Variants in CLIC6 observed in about 807,000 individuals in gnomAD.
The protein encoded by CLIC6 is chloride intracellular channel protein 6.
In CLIC6, 39 loss-of-function variants were observed where a neutral mutation model predicts 49.2. The ratio of observed to expected loss-of-function variants is 0.79; its 90% CI spans 0.61 to 1.04. The LOEUF is 1.04. CLIC6 is among the 50% of genes least tolerant of loss of function. The pLI, the probability that CLIC6 is intolerant of heterozygous loss-of-function variation, is 0.00. For synonymous variants in CLIC6, 446 were observed against 433.4 expected, an observed-to-expected ratio of 1.03 and a Z score of -0.36; for missense variants, 988 against 993.1, an observed-to-expected ratio of 0.99 and a Z score of 0.07.
At chr21:34,699,415 C>CTA (rs1568966335) in intron 1 of CLIC6, among the ~76,000 whole-genome samples, 8 of 134,844 alleles carry the variant, frequency 5.9e-5, no homozygotes, top group Non-Finnish European at 9.6e-5. Context: ...CCATACCTGG[C>CTA]TTTTTTTTTT....
chr21:34,697,825 G>A (rs1018351017), intron 1 of CLIC6, among the ~76,000 whole-genome samples: 39 of 152,334 alleles, frequency 2.6e-4, no homozygotes, highest in African/African-American at 8.9e-4. Context: ...GGAGAACTGC[G>A]GGGCCTGCCA....
intron 1 of CLIC6, among the ~76,000 whole-genome samples, chr21:34,677,592 G>A (rs1320423432): frequency 6.6e-6 from 1 of 152,128 alleles, no homozygotes; most frequent in African/African-American, 2.4e-5. Context: ...ATCAAAAAAT[G>A]GATGCCTTAG....
At chr21:34,676,650 TGCAGCA>T (rs10591544) in intron 1 of CLIC6, among the ~76,000 whole-genome samples, 2,399 of 152,304 alleles carry the variant, frequency 0.016, 65 homozygotes, top group African/African-American at 0.055. Context: ...CATAGGAGCA[TGCAGCA>T]GCAGCAGGAG....
At chr21:34,707,833 T>G (rs1272844449) in intron 2 of CLIC6, 111 bp from the exon 3 acceptor site, 1 of 1,087,570 alleles carries the variant, frequency 9.2e-7, no homozygotes, top group Admixed American at 2.2e-5. Context: ...CCATCTACTT[T>G]GCAGTTCTCA....
intron 1 of CLIC6, among the ~76,000 whole-genome samples, chr21:34,685,431 A>G (rs1318809506): frequency 6.6e-6 from 1 of 152,050 alleles, no homozygotes; most frequent in Non-Finnish European, 1.5e-5. Flanking sequence ...ATCCAGTGAT[A>G]CTCTTTCTCC....
In CLIC6 at chr21:34,678,642, G is replaced by GT. The variant is rs528837077; in HGVS notation, c.1374+7886dup. Among the ~76,000 whole-genome samples the GT allele has an allele frequency of 1.6e-4, 24 of 152,110 alleles. No homozygotes were observed. In the South Asian group the frequency reaches 5.0e-3, roughly 32 times the overall value. On this transcript the variant is annotated intron_variant, in intron 1 of 5. Coordinates refer to ENST00000349499, the MANE Select transcript of CLIC6 (RefSeq NM_053277.3). ...CATCTATATATTGTTAGAAATGGTT[G>GT]TTTTTTGCCTACAAAAACCATAAAA... is the stretch of plus-strand genomic sequence containing the variant.
intron 3 of CLIC6, 47 bp downstream of exon 3, chr21:34,708,116 C>A: frequency 1.2e-6 from 2 of 1,608,508 alleles, no homozygotes; most frequent in South Asian, 1.1e-5. Context: ...TCACTTTCCC[C>A]CACTAGTAGT....
Position 34,714,344 on chromosome 21 carries a change from A to G in CLIC6, c.1900-1977A>G, listed in dbSNP as rs537129910. On this transcript the variant is annotated intron_variant, in intron 5 of 5. Coordinates refer to ENST00000349499, the MANE Select transcript of CLIC6 (RefSeq NM_053277.3). ...AAGAAATGGAAAGAAGCACAGATAC[A>G]TAAATTCCCTCATTTGTCATCATCA... is the stretch of plus-strand genomic sequence containing the variant. Among the ~76,000 whole-genome samples the G allele has an allele frequency of 4.1e-4, 63 of 152,362 alleles. 1 individual carries two copies. Among genetic ancestry groups the G allele is most frequent in the South Asian group, 6.2e-4 (3 of 4,826 alleles).
intron 1 of CLIC6, among the ~76,000 whole-genome samples, chr21:34,700,656 T>C (rs1208248524): frequency 7.2e-6 from 1 of 139,854 alleles, no homozygotes; most frequent in Non-Finnish European, 1.5e-5. Context: ...GGCTGTGTTC[T>C]CCTCCCATTC....
Position 34,708,049 on chromosome 21 carries a change from G to A in CLIC6, c.1590G>A (p.Glu530=), listed in dbSNP as rs765449814. The part of the protein sequence containing the change: ...TDVNKIEEFL[E]EKLAPPRYPK... ...TGAATAAGATCGAGGAGTTCTTAGA[G>A]GAGAAATTAGCTCCCCCGAGGTAGG... Residue 530 remains glutamate, a synonymous_variant, in exon 3 of 6, where the codon GAG becomes GAA. Coordinates refer to ENST00000349499, the MANE Select transcript of CLIC6 (RefSeq NM_053277.3). 6.2e-6 allele frequency: 10 copies of A among 1,614,032 alleles called. No individual in the cohort carries two copies. In the Admixed American group the frequency reaches 1.5e-4, roughly 24 times the overall value.
At position 34,670,321 on chromosome 21, in the gene CLIC6, T is replaced by C. The variant is rs1324434707; in HGVS notation, c.933T>C (p.Ile311=). 3.5e-6 allele frequency: 5 copies of C among 1,444,312 alleles called. No individual in the cohort carries two copies. Among genetic ancestry groups the C allele is most frequent in the Non-Finnish European group, 3.6e-6 (4 of 1,100,558 alleles). The allele number at this position is 1,444,312 out of a possible 1,614,324, so 89.5% of individuals were successfully genotyped here. A position where few individuals can be genotyped will look rare whatever the true frequency, so the allele number is the denominator to read the frequency against. ...GCCTCTCGCCCCAGGCCGAGGCAATTGAGGTCGCAGCCGGGGAGAGTGCGG... is the reference window on the plus strand; with the variant it reads ...GCCTCTCGCCCCAGGCCGAGGCAATCGAGGTCGCAGCCGGGGAGAGTGCGG... The part of the protein sequence containing the change: ...DGSLSPQAEA[I]EVAAGESAGR... The change falls in exon 1 of 6, where the codon ATT becomes ATC. Residue 311 remains isoleucine (I), a synonymous_variant. Coordinates refer to ENST00000349499, the MANE Select transcript of CLIC6 (RefSeq NM_053277.3).
chr21:34,669,971 C>T lies in CLIC6; in HGVS notation c.583C>T (p.Pro195Ser). Residue 195 changes from proline (P) to serine (S), a missense_variant, in exon 1 of 6, where the codon CCG (proline) becomes TCG (serine). By Grantham distance (74) the Pro-to-Ser change is moderately conservative. Around this residue, in one of 3 missense-constraint regions of CLIC6, gnomAD observed 57 missense variants for 117.6 expected, o/e 0.48. Coordinates refer to ENST00000349499, the MANE Select transcript of CLIC6 (RefSeq NM_053277.3). ...GGGGGACAGCGTAGACGCGGAAGGT[C>T]CGGCGGGGGACAGCGTAGACGCGGA... ...RVGDSVDAEG[P>S]AGDSVDAEGP... The T allele has an allele frequency of 7.4e-7, 1 of 1,358,938 alleles. No individual in the cohort carries two copies. The highest frequency in any genetic ancestry group is 1.8e-5 in the South Asian group (1 of 56,214). The allele number at this position is 1,358,938 out of a possible 1,614,324, so 84.2% of individuals were successfully genotyped here.
chr21:34,709,582 G>C, intron 5 of CLIC6, 44 bp downstream of exon 5: 6 of 1,554,050 alleles, frequency 3.9e-6, no homozygotes, highest in Non-Finnish European at 5.3e-6. Context: ...CACGAACGGG[G>C]CTTTGTTTTA....
chr21:34,706,600 G>T (rs964817286), intron 1 of CLIC6, among the ~76,000 whole-genome samples: 4 of 152,132 alleles, frequency 2.6e-5, no homozygotes, highest in Middle Eastern at 6.3e-3. Context: ...TGAGACAATA[G>T]TATCTTCCAG....
intron 1 of CLIC6, among the ~76,000 whole-genome samples, chr21:34,702,665 T>C (rs974160270): frequency 1.3e-5 from 2 of 152,270 alleles, no homozygotes; most frequent in East Asian, 1.9e-4. Flanking sequence ...AAGATCTTCC[T>C]GCTTGGCCAC....
At chr21:34,695,150 G>C (rs1165531852) in intron 1 of CLIC6, among the ~76,000 whole-genome samples, 1 of 152,178 alleles carries the variant, frequency 6.6e-6, no homozygotes, top group African/African-American at 2.4e-5. Context: ...TCTTTCTGGA[G>C]GCTCTAGGAG....
chr21:34,707,469 A>ACACACACACACC (rs1403987892), intron 2 of CLIC6, 80 bp downstream of exon 2: 12 of 877,844 alleles, frequency 1.4e-5, no homozygotes, highest in East Asian at 2.5e-5. Flanking sequence ...ACACACACAC[A>ACACACACACACC]CCTGAGGCCA....
At position 34,697,521 on chromosome 21, in the gene CLIC6, A is replaced by G. The variant is rs146962006; in HGVS notation, c.1375-9759A>G. Among the ~76,000 whole-genome samples the G allele has an allele frequency of 3.9e-3, 599 of 152,164 alleles. 7 individuals carry two copies. Among genetic ancestry groups the G allele is most frequent in the African/African-American group, 0.014 (582 of 41,510 alleles). On this transcript the variant is annotated intron_variant, in intron 1 of 5. Transcript: ENST00000349499. Reference sequence around the variant, plus strand: ...ACCATCAAGTCTGATGGATGCATCTATGCTGGTGTTTTCATTAGCGAGGAG... The same window carrying G: ...ACCATCAAGTCTGATGGATGCATCTGTGCTGGTGTTTTCATTAGCGAGGAG...
At chr21:34,702,404 C>G (rs191254558) in intron 1 of CLIC6, among the ~76,000 whole-genome samples, 1 of 152,110 alleles carries the variant, frequency 6.6e-6, no homozygotes, top group Non-Finnish European at 1.5e-5. Context: ...CCAGGGCTCC[C>G]GCGTGTCTCT....
Sources: allele counts gnomAD v4.1 joint callset (sites outside exome capture counted in the v4.1 genomes callset), GRCh38; gene constraint gnomAD v4.1.1; regional missense constraint gnomAD v4.1.1; transcripts MANE v1.5; gene names NCBI Gene and HGNC (gene_info 2026-07-23, HGNC 2026-07-21).